Variants in HNRNPR observed in about 807,000 individuals in gnomAD.
HNRNPR encodes heterogeneous nuclear ribonucleoprotein R.
A neutral mutation model predicts 70.3 loss-of-function variants in HNRNPR; 4 were observed. That is an observed-to-expected ratio of 0.06 (90% confidence interval 0.03 to 0.13). HNRNPR has a LOEUF of 0.13. HNRNPR is among the 10% of genes least tolerant of loss of function. The probability of loss-of-function intolerance (pLI) is 1.00; values close to 1 mark genes in which losing one functional copy is unlikely to be tolerated. For missense variants in HNRNPR, 423 were observed against 788.5 expected, an observed-to-expected ratio of 0.54 and a Z score of 5.55; for synonymous variants, 241 against 267.6, an observed-to-expected ratio of 0.90 and a Z score of 0.97.
chr1:23,341,309 CT>C (rs1229917643), intron 1 of HNRNPR, among the ~76,000 whole-genome samples: 4 of 152,168 alleles, frequency 2.6e-5, no homozygotes, highest in African/African-American at 9.7e-5. Context: ...AGCAGCTGTT[CT>C]GTCCTGGTGA....
intron 8 of HNRNPR, among the ~76,000 whole-genome samples, chr1:23,317,553 G>GCTT (rs1326975793): frequency 6.6e-6 from 1 of 152,134 alleles, no homozygotes; most frequent in African/African-American, 2.4e-5. Context: ...TCCTGGCAAC[G>GCTT]CAAGTACAGG....
At chr1:23,311,157 G>A (rs760059076) in intron 10 of HNRNPR, 44 bp downstream of exon 10, 20 of 1,611,618 alleles carry the variant, frequency 1.2e-5, no homozygotes, top group African/African-American at 9.4e-5. Flanking sequence ...CCATTATCAC[G>A]TTATTCCTTG....
At chr1:23,340,760 A>AT (rs2148496324) in intron 2 of HNRNPR, 92 bp downstream of exon 2, 1 of 1,031,262 alleles carries the variant, frequency 9.7e-7, no homozygotes, top group South Asian at 1.7e-5. Flanking sequence ...ATCAGAAACA[A>AT]TAAGTATTAT....
rs1645287260 is a variant in HNRNPR at position 23,310,497 on chromosome 1, T to G, written c.1859A>C (p.Asn620Thr). ...YSGNYGYNND[N>T]QEFYQDTYGQ... ...ATAAGTATCCTGATAAAATTCCTGGTTGTCATTATTGTAACCATAGTTACC... is the reference window on the plus strand; with the variant it reads ...ATAAGTATCCTGATAAAATTCCTGGGTGTCATTATTGTAACCATAGTTACC... Residue 620 changes from asparagine (N) to threonine (T), a missense_variant, in exon 11 of 11, where the codon AAC becomes ACC. By Grantham distance (65) the Asn-to-Thr change is moderately conservative. Coordinates refer to ENST00000302271, the MANE Select transcript of HNRNPR (RefSeq NM_005826.5). The surrounding 1 kb of genome is among the most constrained non-coding windows in gnomAD (Gnocchi z 6.0). 2 of 1,612,040 alleles carry G rather than the reference T, an allele frequency of 1.2e-6. No individual in the cohort carries two copies. Among genetic ancestry groups the G allele is most frequent in the African/African-American group, 2.7e-5 (2 of 74,816 alleles).
At chr1:23,313,268 A>G (rs1645406061) in intron 9 of HNRNPR, among the ~76,000 whole-genome samples, 1 of 152,172 alleles carries the variant, frequency 6.6e-6, no homozygotes, top group Non-Finnish European at 1.5e-5. Context: ...TACAGCAGCT[A>G]ATTTTTATAC....
intron 1 of HNRNPR, among the ~76,000 whole-genome samples, chr1:23,343,928 G>A (rs1344371210): frequency 6.6e-6 from 1 of 152,170 alleles, no homozygotes; most frequent in African/African-American, 2.4e-5. Flanking sequence ...AGCGGAGGCG[G>A]GAAAAGCACG....
rs1022750930 is a variant in HNRNPR at position 23,307,871 on chromosome 1, G to A, written c.*2583C>T. On this transcript the variant is annotated 3_prime_UTR_variant, in exon 11 of 11. Coordinates refer to ENST00000302271, the MANE Select transcript of HNRNPR (RefSeq NM_005826.5). ...ACAAAAAAGATGGAAAGACAGGAGA[G>A]CAGGAAACCAAATTCCTTACACTCA... The A allele has an allele frequency of 1.0e-4, 15 of 150,626 alleles. No individual in the cohort carries two copies. Among genetic ancestry groups the A allele is most frequent in the Non-Finnish European group, 3.0e-5 (2 of 67,696 alleles). 9.3% of individuals were successfully genotyped at this position (150,626 alleles called of 1,614,324 possible).
intron 1 of HNRNPR, among the ~76,000 whole-genome samples, chr1:23,342,840 G>A (rs913874623): frequency 6.6e-6 from 1 of 152,106 alleles, no homozygotes; most frequent in Non-Finnish European, 1.5e-5. Context: ...AAAGCAAAAA[G>A]ACAAGTTGTG....
At chr1:23,312,047 A>G (rs913224376) in intron 9 of HNRNPR, among the ~76,000 whole-genome samples, 1 of 152,200 alleles carries the variant, frequency 6.6e-6, no homozygotes, top group African/African-American at 2.4e-5. Context: ...CAAAAGGTTC[A>G]GGTACTCAGT....
chr1:23,335,722 C>T (rs1485042695), intron 4 of HNRNPR, among the ~76,000 whole-genome samples: 1 of 152,128 alleles, frequency 6.6e-6, no homozygotes, highest in African/African-American at 2.4e-5. Context: ...TCAGGGATCC[C>T]ACTGATTCTA....
intron 5 of HNRNPR, among the ~76,000 whole-genome samples, chr1:23,332,459 T>C (rs1395917566): frequency 2.7e-5 from 4 of 150,668 alleles, no homozygotes; most frequent in Non-Finnish European, 5.9e-5. Context: ...TCCCAGCACT[T>C]TGGGAAGTCA....
chr1:23,334,370 G>A (rs985887907), intron 4 of HNRNPR, among the ~76,000 whole-genome samples: 1 of 151,456 alleles, frequency 6.6e-6, no homozygotes, highest in Non-Finnish European at 1.5e-5. Flanking sequence ...CCGAGCAGCT[G>A]GGACTACAGG....
intron 2 of HNRNPR, among the ~76,000 whole-genome samples, chr1:23,338,877 C>T (rs755552045): frequency 2.6e-5 from 4 of 152,158 alleles, no homozygotes; most frequent in Non-Finnish European, 5.9e-5. Flanking sequence ...CATCCATTTC[C>T]CACTCCCCCA....
At chr1:23,322,380 C>G (rs981908454) in intron 6 of HNRNPR, among the ~76,000 whole-genome samples, 1 of 152,048 alleles carries the variant, frequency 6.6e-6, no homozygotes, top group African/African-American at 2.4e-5. Context: ...GGACTACAGG[C>G]GTGCGCCACC....
chr1:23,311,108 T>TTGCTTCAAGAC, intron 10 of HNRNPR, 42 bp from the exon 11 acceptor site: 1 of 1,608,902 alleles, frequency 6.2e-7, no homozygotes, highest in Non-Finnish European at 8.5e-7. Flanking sequence ...ACAAATCAGT[T>TTGCTTCAAGAC]TGCTTCAAGA....
chr1:23,322,194 T>G (rs1490535152), intron 6 of HNRNPR, among the ~76,000 whole-genome samples: 2 of 152,080 alleles, frequency 1.3e-5, no homozygotes, highest in East Asian at 3.8e-4. Flanking sequence ...TGAAAAATGT[T>G]TTATTTAAAT....
At position 23,311,184 on chromosome 1, in the gene HNRNPR, C is replaced by T; in HGVS notation, c.1289+17G>A. 1 of 1,613,318 alleles carries T rather than the reference C, an allele frequency of 6.2e-7. No individual in the cohort carries two copies. On this transcript the variant is annotated intron_variant, in intron 10 of 10. Coordinates refer to ENST00000302271, the MANE Select transcript of HNRNPR (RefSeq NM_005826.5). ...TATTCCTTGTCCAAAGATATATCTACTAAAATGTAGACTCACGCAGTGCTT... is the reference window on the plus strand; with the variant it reads ...TATTCCTTGTCCAAAGATATATCTATTAAAATGTAGACTCACGCAGTGCTT...
chr1:23,330,063 C>T (rs1646152177), intron 5 of HNRNPR, among the ~76,000 whole-genome samples: 1 of 152,130 alleles, frequency 6.6e-6, no homozygotes, highest in Admixed American at 6.6e-5. Flanking sequence ...CTTTAGGGCT[C>T]TGTTAAATAC....
chr1:23,340,721 G>A, intron 2 of HNRNPR, 131 bp downstream of exon 2: 1 of 734,024 alleles, frequency 1.4e-6, no homozygotes, highest in Non-Finnish European at 2.2e-6. Context: ...CTTCAATGAA[G>A]GGAAAGTAAC....
Sources: allele counts gnomAD v4.1 joint callset (sites outside exome capture counted in the v4.1 genomes callset), GRCh38; gene constraint gnomAD v4.1.1; non-coding constraint Gnocchi (gnomAD v3.1); transcripts MANE v1.5; gene names NCBI Gene and HGNC (gene_info 2026-07-23, HGNC 2026-07-21).